Variants in AHCYL2 observed in about 807,000 individuals in gnomAD.
The protein encoded by AHCYL2 is adenosylhomocysteinase like 2, also known as S-adenosylhomocysteine hydrolase-like protein 2.
Under a neutral mutation model 81.4 loss-of-function variants are expected in AHCYL2, and 28 were observed. That is an observed-to-expected ratio of 0.34 (90% CI 0.25 to 0.47). AHCYL2 has a LOEUF of 0.47. Among genes scored for constraint, AHCYL2 ranks in the 20% least tolerant of loss-of-function variants. The pLI is 1.00. For missense variants in AHCYL2, 551 were observed against 785.1 expected (o/e 0.70, Z 3.56); for synonymous variants, 272 against 290.2 (o/e 0.94, Z 0.64).
At chr7:129,225,582 C>A in intron 1 of AHCYL2, 143 bp downstream of exon 1, 1 of 1,345,478 alleles carries the variant, frequency 7.4e-7, no homozygotes, top group Non-Finnish European at 9.5e-7. Context: ...AACCCACTCT[C>A]TCAGAGATGC....
intron 1 of AHCYL2, among the ~76,000 whole-genome samples, chr7:129,352,121 A>G (rs538005150): frequency 2.0e-5 from 3 of 152,278 alleles, no homozygotes; most frequent in African/African-American, 7.2e-5. Flanking sequence ...TCTTGAGGGA[A>G]AGCATTCCTG....
At chr7:129,381,973 C>T (rs1794977384) in intron 2 of AHCYL2, among the ~76,000 whole-genome samples, 1 of 151,846 alleles carries the variant, frequency 6.6e-6, no homozygotes, top group Non-Finnish European at 1.5e-5. Flanking sequence ...TTTTCTTTTC[C>T]CCTTTGAGTG....
intron 2 of AHCYL2, among the ~76,000 whole-genome samples, chr7:129,386,210 C>G (rs939151259): frequency 1.3e-5 from 2 of 152,062 alleles, no homozygotes; most frequent in Non-Finnish European, 2.9e-5. Flanking sequence ...AGCCTGTAAT[C>G]CCAGCACTTT....
At chr7:129,375,829 C>T (rs772511328) in intron 1 of AHCYL2, 3 of 1,535,140 alleles carry the variant, frequency 2.0e-6, no homozygotes, top group South Asian at 1.2e-5. Flanking sequence ...TCACAAGGGT[C>T]CCTGGACCAC....
At chr7:129,288,241 A>G (rs1219373063) in intron 1 of AHCYL2, among the ~76,000 whole-genome samples, 1 of 151,278 alleles carries the variant, frequency 6.6e-6, no homozygotes, top group Non-Finnish European at 1.5e-5. Context: ...AAATCAAGTC[A>G]TTTGTGTTGG....
At chr7:129,287,444 G>A (rs372286607) in intron 1 of AHCYL2, among the ~76,000 whole-genome samples, 7 of 152,182 alleles carry the variant, frequency 4.6e-5, no homozygotes, top group South Asian at 2.1e-4. Context: ...CCAGACTCCA[G>A]AATTGAAGTG....
intron 1 of AHCYL2, chr7:129,377,627 G>C: frequency 2.2e-6 from 1 of 456,606 alleles, no homozygotes; most frequent in South Asian, 1.5e-5. Context: ...ATTAAAGGTA[G>C]AGTCACTTGT....
At chr7:129,340,986 C>A (rs1793159630) in intron 1 of AHCYL2, among the ~76,000 whole-genome samples, 1 of 152,090 alleles carries the variant, frequency 6.6e-6, no homozygotes, top group Non-Finnish European at 1.5e-5. Flanking sequence ...TGTTGTACTG[C>A]CCTTGTCTGG....
chr7:129,307,769 T>C (rs1797495415), intron 1 of AHCYL2, among the ~76,000 whole-genome samples: 1 of 151,874 alleles, frequency 6.6e-6, no homozygotes, highest in South Asian at 2.1e-4. Context: ...TGGCAGGTCC[T>C]AGCTGGTTGC....
At chr7:129,386,966 G>A (rs957645840) in intron 2 of AHCYL2, among the ~76,000 whole-genome samples, 1 of 152,194 alleles carries the variant, frequency 6.6e-6, no homozygotes, top group African/African-American at 2.4e-5. Context: ...TTTAAAATAT[G>A]TGCTAAAGTG....
At chr7:129,284,234 T>C (rs182323389) in intron 1 of AHCYL2, among the ~76,000 whole-genome samples, 2 of 152,280 alleles carry the variant, frequency 1.3e-5, no homozygotes, top group East Asian at 3.9e-4. Flanking sequence ...AGGGATTTGT[T>C]AGTCTTCTCA....
At position 129,368,579 on chromosome 7, in the gene AHCYL2, C is replaced by A. The variant is rs749472826; in HGVS notation, c.364-11059C>A. The A allele has an allele frequency of 1.2e-6, 2 of 1,612,926 alleles. No homozygotes were observed. Among genetic ancestry groups the A allele is most frequent in the Non-Finnish European group, 1.7e-6 (2 of 1,179,208 alleles). ...GAGTTCACTGGTCGTTTTGTTTCTC[C>A]TTCTGTTTCTTGATAATGAGAGGCA... On this transcript the variant is annotated intron_variant, in intron 1 of 16. Coordinates refer to ENST00000325006, the MANE Select transcript of AHCYL2 (RefSeq NM_015328.4). This position sits in a 1 kb window ranked among gnomAD's most constrained non-coding sequence, Gnocchi z 4.4.
rs184587788 is a variant in AHCYL2, at chr7:129,336,642, A to G, written c.364-42996A>G. Among the ~76,000 whole-genome samples the G allele has an allele frequency of 8.5e-5, 13 of 152,302 alleles. No individual in the cohort carries two copies. In the East Asian group the frequency reaches 1.9e-3, roughly 23 times the overall value. On this transcript the variant is annotated intron_variant, in intron 1 of 16. Transcript: ENST00000325006. The stretch of plus-strand genomic sequence containing the variant: ...ACTGGAGGCAAAAAGAGTAGCGCCA[A>G]TTCTTTTCTTCCCCAAGCAGTGCAG...
chr7:129,279,744 G>A (rs1023747221), intron 1 of AHCYL2, among the ~76,000 whole-genome samples: 6 of 152,196 alleles, frequency 3.9e-5, no homozygotes, highest in Non-Finnish European at 8.8e-5. Context: ...GCAGGAAAAG[G>A]GGAGGCATTT....
chr7:129,286,090 C>G (rs1344731684), intron 1 of AHCYL2, among the ~76,000 whole-genome samples: 1 of 152,130 alleles, frequency 6.6e-6, no homozygotes, highest in Non-Finnish European at 1.5e-5. Flanking sequence ...ATCAAACCAA[C>G]TAGTTTTAGG....
chr7:129,321,740 T>C (rs1798022064), intron 1 of AHCYL2, among the ~76,000 whole-genome samples: 1 of 126,468 alleles, frequency 7.9e-6, no homozygotes, highest in Non-Finnish European at 1.6e-5. Flanking sequence ...GTATTCTTTC[T>C]TTGTTTTTTT....
At chr7:129,308,216 AC>A (rs879708464) in intron 1 of AHCYL2, among the ~76,000 whole-genome samples, 6 of 152,194 alleles carry the variant, frequency 3.9e-5, no homozygotes, top group Admixed American at 2.0e-4. Flanking sequence ...TTTACTTAGA[AC>A]CCCAGAGCAC....
chr7:129,341,192 C>T (rs748402963), intron 1 of AHCYL2, among the ~76,000 whole-genome samples: 1 of 152,196 alleles, frequency 6.6e-6, no homozygotes, highest in Non-Finnish European at 1.5e-5. Context: ...TACATAGCAT[C>T]TTAGCAAAGA....
chr7:129,394,249 G>A (rs916505316), intron 4 of AHCYL2, among the ~76,000 whole-genome samples: 6 of 151,652 alleles, frequency 4.0e-5, no homozygotes, highest in Admixed American at 6.6e-5. Flanking sequence ...GGCCTCAAGC[G>A]ATCTCCTGCC....
Sources: gnomAD v4.1 joint callset for allele counts (sites outside exome capture counted in the v4.1 genomes callset) on GRCh38, gnomAD v4.1.1 for gene constraint, Gnocchi (gnomAD v3.1) non-coding constraint, MANE v1.5 for transcripts, NCBI Gene and HGNC (gene_info 2026-07-23, HGNC 2026-07-21) for gene names.